Variants in XDH observed in about 807,000 individuals in gnomAD.
The protein encoded by XDH is xanthine dehydrogenase/oxidase.
Under a neutral mutation model 156.1 loss-of-function variants are expected in XDH, and 138 were observed. The ratio of observed to expected loss-of-function variants is 0.88; its 90% confidence interval spans 0.77 to 1.02. The LOEUF (loss-of-function observed/expected upper bound fraction) is 1.02, where lower values mean the gene tolerates loss of function less well. Ranked by LOEUF, XDH falls within the 50% of genes least tolerant of loss-of-function variation. The pLI, the probability that XDH is intolerant of heterozygous loss-of-function variation, is 0.00. For synonymous variants in XDH, 669 were observed against 625.7 expected (o/e 1.07, Z -1.03); for missense variants, 1,849 against 1,684.9 (o/e 1.10, Z -1.71).
chr2:31,364,115 G>A lies in XDH; in HGVS notation c.2631+43C>T, dbSNP rs377350127. 189 of 1,605,366 alleles carry A rather than the reference G, an allele frequency of 1.2e-4. 1 individual carries two copies. Among genetic ancestry groups the A allele is most frequent in the South Asian group, 4.4e-4 (40 of 90,864 alleles). ...GCCTGCGTGGGAACAGGCTGACCTC[G>A]AAGTCAGCTCTGGGTGCAGGGGCGG... On this transcript the variant is annotated intron_variant, in intron 24 of 35. Coordinates refer to ENST00000379416, the MANE Select transcript of XDH (RefSeq NM_000379.4).
At chr2:31,348,423 G>C in intron 27 of XDH, 60 bp from the exon 28 acceptor site, 11 of 1,530,790 alleles carry the variant, frequency 7.2e-6, no homozygotes, top group Non-Finnish European at 9.9e-6. Context: ...ATTAAGGTTT[G>C]GGACCAAAGG....
At chr2:31,359,528 C>T (rs1270760742) in intron 24 of XDH, among the ~76,000 whole-genome samples, 2 of 152,046 alleles carry the variant, frequency 1.3e-5, no homozygotes, top group Non-Finnish European at 1.5e-5. Flanking sequence ...TAACATAATA[C>T]AAACATATAT....
intron 33 of XDH, among the ~76,000 whole-genome samples, chr2:31,340,125 T>A (rs1258498061): frequency 6.6e-6 from 1 of 152,192 alleles, no homozygotes; most frequent in East Asian, 1.9e-4. Context: ...AGCTTACAGG[T>A]CTCTCCTAGG....
chr2:31,356,165 C>T (rs1428467212), intron 24 of XDH, among the ~76,000 whole-genome samples: 1 of 152,080 alleles, frequency 6.6e-6, no homozygotes, highest in Admixed American at 6.6e-5. Flanking sequence ...GAAAACTCCA[C>T]AATTACAGTT....
intron 17 of XDH, among the ~76,000 whole-genome samples, chr2:31,371,707 T>C (rs771390804): frequency 5.9e-5 from 9 of 152,188 alleles, no homozygotes; most frequent in African/African-American, 9.7e-5. Context: ...GACAAGTTTA[T>C]TTATCTGTTA....
chr2:31,349,881 G>A, intron 25 of XDH, 50 bp from the exon 26 acceptor site: 3 of 1,612,524 alleles, frequency 1.9e-6, no homozygotes, highest in Non-Finnish European at 2.5e-6. Context: ...AGAGACTGTG[G>A]GGGCAGGGCA....
chr2:31,341,307 C>T (rs1685117335), intron 33 of XDH, 22 bp downstream of exon 33: 2 of 1,558,802 alleles, frequency 1.3e-6, no homozygotes, highest in Non-Finnish European at 1.7e-6. Flanking sequence ...TCTGTCACCA[C>T]CCTGGTCCCA....
intron 11 of XDH, 111 bp from the exon 12 acceptor site, chr2:31,381,837 A>AT: frequency 1.1e-6 from 1 of 948,886 alleles, no homozygotes; most frequent in East Asian, 2.6e-5. Flanking sequence ...CAAACCCCTG[A>AT]GGTCCTGTGC....
At chr2:31,344,828 A>G (rs1685237199) in intron 30 of XDH, 92 bp from the exon 31 acceptor site, 5 of 1,360,264 alleles carry the variant, frequency 3.7e-6, no homozygotes, top group Non-Finnish European at 5.2e-6. Flanking sequence ...CCTCCTCTGG[A>G]AGCCAATCAA....
intron 14 of XDH, 25 bp from the exon 15 acceptor site, chr2:31,375,579 A>G (rs775394417): frequency 1.9e-6 from 3 of 1,610,396 alleles, no homozygotes; most frequent in Non-Finnish European, 2.5e-6. Context: ...GGCGTGGGAC[A>G]GCGCTCCCGC....
rs371554655 is a variant in XDH at position 31,357,076 on chromosome 2, T to C, written c.2632-6853A>G. On this transcript the variant is annotated intron_variant, in intron 24 of 35. Coordinates refer to ENST00000379416, the MANE Select transcript of XDH (RefSeq NM_000379.4). ...ATGAAATACAACATACCAAAACTTA[T>C]GGGACCTGTCTAAAGTAGTGCTGAG... 1.4e-4 allele frequency among the ~76,000 whole-genome samples: 21 copies of C among 152,202 alleles called. No individual in the cohort carries two copies. In the East Asian group the frequency reaches 1.7e-3, roughly 13 times the overall value.
intron 6 of XDH, among the ~76,000 whole-genome samples, chr2:31,393,979 T>C (rs775617864): frequency 1.3e-5 from 2 of 152,100 alleles, no homozygotes; most frequent in Non-Finnish European, 2.9e-5. Flanking sequence ...ATTTTACTTA[T>C]ACACAAGCAC....
In XDH at chr2:31,347,654, C is replaced by A. The variant is rs545686434; in HGVS notation, c.3148-4G>T. 10 of 1,613,172 alleles carry A rather than the reference C, an allele frequency of 6.2e-6. No individual in the cohort carries two copies. In the Admixed American group the frequency reaches 6.7e-5, roughly 11 times the overall value. On this transcript the variant is annotated splice_region_variant and splice_polypyrimidine_tract_variant and intron_variant, in intron 28 of 35. Transcript: ENST00000379416. ...TTTTCAGAGCTCTACTGGCCACCTG[C>A]GAAAAGAGAAGACATTGCCCTCTAG...
At chr2:31,376,187 T>C (rs1316400531) in intron 14 of XDH, among the ~76,000 whole-genome samples, 1 of 151,618 alleles carries the variant, frequency 6.6e-6, no homozygotes, top group African/African-American at 2.4e-5. Flanking sequence ...TCAGCATCAA[T>C]ACTACTAGTA....
chr2:31,405,329 G>C (rs1687165074), intron 2 of XDH, among the ~76,000 whole-genome samples: 1 of 152,216 alleles, frequency 6.6e-6, no homozygotes, highest in East Asian at 1.9e-4. Context: ...CAGAACTAAA[G>C]GTAAAGGGGC....
intron 26 of XDH, 46 bp downstream of exon 26, chr2:31,349,640 A>G (rs1685404677): frequency 2.5e-6 from 4 of 1,613,524 alleles, no homozygotes; most frequent in South Asian, 2.2e-5. Context: ...AGGCTGTAGG[A>G]TATGAAACCC....
intron 1 of XDH, 125 bp from the exon 2 acceptor site, chr2:31,406,089 C>T (rs206802): frequency 9.3e-7 from 1 of 1,070,674 alleles, no homozygotes; most frequent in Non-Finnish European, 1.4e-6. Flanking sequence ...ATATAGTTTG[C>T]ACTCTGCCCC....
rs1686397242 is a variant in XDH, at chr2:31,380,125, C to A, written c.1133-149G>T. Reference sequence around the variant, plus strand: ...ATGACTGGCACAATTGGGGCCAAATCCTCTCTCTGAAATCCTTAAGCATCC... The same window carrying A: ...ATGACTGGCACAATTGGGGCCAAATACTCTCTCTGAAATCCTTAAGCATCC... On this transcript the variant is annotated intron_variant, in intron 12 of 35. Coordinates refer to ENST00000379416, the MANE Select transcript of XDH (RefSeq NM_000379.4). The A allele has an allele frequency of 1.3e-5, 10 of 772,048 alleles. No individual in the cohort carries two copies. In the South Asian group the frequency reaches 1.3e-4, roughly 10 times the overall value. The allele number at this position is 772,048 out of a possible 1,614,324, so 47.8% of individuals were successfully genotyped here. A position where few individuals can be genotyped will look rare whatever the true frequency, so the allele number is the denominator to read the frequency against.
chr2:31,368,241 T>C (rs188435382), intron 19 of XDH, among the ~76,000 whole-genome samples, 184 bp from the exon 20 acceptor site: 64 of 152,286 alleles, frequency 4.2e-4, no homozygotes, highest in Non-Finnish European at 6.8e-4. Flanking sequence ...ATTCCTCCAT[T>C]TCCTCAGCTG....
Sources: allele counts gnomAD v4.1 joint callset (sites outside exome capture counted in the v4.1 genomes callset), GRCh38; gene constraint gnomAD v4.1.1; transcripts MANE v1.5; gene names NCBI Gene and HGNC (gene_info 2026-07-23, HGNC 2026-07-21).